SMARCA2: variants seen among roughly 807,000 people sequenced by gnomAD.
SMARCA2 encodes the protein SWI/SNF related BAF chromatin remodeling complex subunit ATPase 2, also known as SWI/SNF-related matrix-associated actin-dependent regulator of chromatin subfamily A member 2.
Under a neutral mutation model 199.8 loss-of-function variants are expected in SMARCA2, and 61 were observed. The observed-to-expected ratio is 0.31, with a 90% CI of 0.25 to 0.38. The LOEUF is 0.38. Ranked by LOEUF, SMARCA2 falls within the 10% of genes least tolerant of loss-of-function variation. SMARCA2 has a pLI of 1.00. For synonymous variants in SMARCA2, 935 were observed against 732.0 expected (o/e 1.28, Z -4.48); for missense variants, 1,344 against 2,012.2 (o/e 0.67, Z 6.35).
At chr9:2,032,123 T>C (rs138066743) in intron 2 of SMARCA2, among the ~76,000 whole-genome samples, 1 of 152,256 alleles carries the variant, frequency 6.6e-6, no homozygotes, top group Non-Finnish European at 1.5e-5. Context: ...ACTCATACTT[T>C]CTTGCTTGAA....
Position 2,170,528 on chromosome 9 carries a change from G to T in SMARCA2, c.4253+56G>T. On this transcript the variant is annotated intron_variant, in intron 29 of 33. Coordinates refer to ENST00000349721, the MANE Select transcript of SMARCA2 (RefSeq NM_003070.5). The surrounding 1 kb of genome is among the most constrained non-coding windows in gnomAD (Gnocchi z 4.7). ...TAAATACAGGTATCCCTCGTTACGT[G>T]AAACAGATTGAATCATATAATCGGC... The T allele has an allele frequency of 6.2e-7, 1 of 1,612,836 alleles. No homozygotes were observed. Among genetic ancestry groups the T allele is most frequent in the East Asian group, 2.2e-5 (1 of 44,846 alleles).
intron 29 of SMARCA2, among the ~76,000 whole-genome samples, chr9:2,177,848 G>A (rs537023964): frequency 1.3e-5 from 2 of 152,282 alleles, no homozygotes; most frequent in African/African-American, 4.8e-5. Flanking sequence ...CACCGTGCCC[G>A]GCCAGAGGTA....
In SMARCA2 at chr9:2,047,489, C is replaced by T. The variant is rs1360206094; in HGVS notation, c.1046+5C>T. 2 of 1,430,708 alleles carry T rather than the reference C, an allele frequency of 1.4e-6. No individual in the cohort carries two copies. Among genetic ancestry groups the T allele is most frequent in the Admixed American group, 2.5e-5 (1 of 39,274 alleles). 88.6% of individuals were successfully genotyped at this position (1,430,708 alleles called of 1,614,324 possible). Reference sequence around the variant, plus strand: ...TCTGCAAGAGCGGGAATACAGGTAACGCACCCCGCCAGCAAGGGGCCCCCT... The same window carrying T: ...TCTGCAAGAGCGGGAATACAGGTAATGCACCCCGCCAGCAAGGGGCCCCCT... On this transcript the variant is annotated splice_donor_5th_base_variant and intron_variant, in intron 5 of 33. Coordinates refer to ENST00000349721, the MANE Select transcript of SMARCA2 (RefSeq NM_003070.5).
intron 27 of SMARCA2, among the ~76,000 whole-genome samples, chr9:2,155,933 G>T (rs78873336): frequency 6.6e-6 from 1 of 151,684 alleles, no homozygotes; most frequent in Non-Finnish European, 1.5e-5. Context: ...AATGAAATAC[G>T]AAACAGAGTC....
chr9:2,056,532 A>T lies in SMARCA2; in HGVS notation c.1174-140A>T. The T allele has an allele frequency of 1.5e-6, 1 of 665,852 alleles. No individual in the cohort carries two copies. Among genetic ancestry groups the T allele is most frequent in the Non-Finnish European group, 2.4e-6 (1 of 409,060 alleles). The allele number at this position is 665,852 out of a possible 1,614,324, so 41.2% of individuals were successfully genotyped here. On this transcript the variant is annotated intron_variant, in intron 6 of 33. Transcript: ENST00000349721. This position sits in a 1 kb window ranked among gnomAD's most constrained non-coding sequence, Gnocchi z 4.0. Reference sequence around the variant, plus strand: ...TGGCATGATTTTAGTTCCTTCATTTAATACAAACCAAAGGTGATTGAGAAG... The same window carrying T: ...TGGCATGATTTTAGTTCCTTCATTTTATACAAACCAAAGGTGATTGAGAAG...
chr9:2,181,436 T>C (rs1485856949), intron 29 of SMARCA2, 135 bp from the exon 30 acceptor site: 1 of 615,694 alleles, frequency 1.6e-6, no homozygotes, highest in African/African-American at 1.9e-5. Flanking sequence ...GTGGGATTTT[T>C]CCTGACTTAA....
At chr9:2,084,043 T>C (rs1821687400) in intron 16 of SMARCA2, 43 bp from the exon 17 acceptor site, 8 of 1,045,032 alleles carry the variant, frequency 7.7e-6, no homozygotes, top group East Asian at 2.4e-5. Context: ...AATGCACATA[T>C]ATGTCCATAG....
chr9:2,092,358 T>C lies in SMARCA2; in HGVS notation c.2883+3745T>C, dbSNP rs529549432. ...TTACATTGGCAATTTGTGTATTCATTATATCAAATTTTGGAATGCTTAGCA... is the reference window on the plus strand; with the variant it reads ...TTACATTGGCAATTTGTGTATTCATCATATCAAATTTTGGAATGCTTAGCA... On this transcript the variant is annotated intron_variant, in intron 19 of 33. Coordinates refer to ENST00000349721, the MANE Select transcript of SMARCA2 (RefSeq NM_003070.5). Among the ~76,000 whole-genome samples, 10 of 152,358 alleles carry C rather than the reference T, an allele frequency of 6.6e-5. No homozygotes were observed. In the South Asian group the frequency reaches 2.1e-3, roughly 32 times the overall value.
At chr9:2,070,511 G>A (rs1442698031) in intron 10 of SMARCA2, 40 bp downstream of exon 10, 2 of 1,505,664 alleles carry the variant, frequency 1.3e-6, no homozygotes, top group Admixed American at 1.7e-5. Context: ...TCTGCTGAAT[G>A]GAGTCTGTGC....
At chr9:2,045,674 A>T (rs1412152065) in intron 4 of SMARCA2, 2 of 152,220 alleles carry the variant, frequency 1.3e-5, no homozygotes, top group Non-Finnish European at 2.9e-5. Flanking sequence ...AATTAAAAAT[A>T]AAATGAAGTG....
intron 29 of SMARCA2, among the ~76,000 whole-genome samples, chr9:2,177,102 C>T (rs1826662984): frequency 6.6e-6 from 1 of 152,148 alleles, no homozygotes; most frequent in Non-Finnish European, 1.5e-5. Context: ...TAAGTAGGGG[C>T]ACTAATGTGG....
At chr9:2,109,220 G>A (rs894238726) in intron 23 of SMARCA2, among the ~76,000 whole-genome samples, 8 of 152,172 alleles carry the variant, frequency 5.3e-5, no homozygotes, top group African/African-American at 1.7e-4. Context: ...AAGAGCAGCT[G>A]GTCAGAGACT....
rs1818436543 is a variant in SMARCA2 at position 2,017,982 on chromosome 9, A to C, written c.-37+2578A>C. On this transcript the variant is annotated intron_variant, in intron 1 of 33. Transcript: ENST00000349721. This position sits in a 1 kb window ranked among gnomAD's most constrained non-coding sequence, Gnocchi z 8.8. ...CCAGCGGGAGGCACCATGAGGGGGA[A>C]GAAGGCCTTGCTGGCCGCTGTTGCT... 6.6e-6 allele frequency: 1 copy of C among 152,232 alleles called. No individual in the cohort carries two copies. The highest frequency in any genetic ancestry group is 6.5e-5 in the Admixed American group (1 of 15,286). 9.4% of individuals were successfully genotyped at this position (152,232 alleles called of 1,614,324 possible). A position where few individuals can be genotyped will look rare whatever the true frequency, so the allele number is the denominator to read the frequency against.
At chr9:2,184,102 A>C (rs1467428648) in intron 31 of SMARCA2, among the ~76,000 whole-genome samples, 2 of 152,122 alleles carry the variant, frequency 1.3e-5, no homozygotes, top group East Asian at 3.9e-4. Flanking sequence ...CACTGTCTAG[A>C]ATGAATTTCA....
chr9:2,023,468 A>G (rs1818692233), intron 1 of SMARCA2, among the ~76,000 whole-genome samples: 1 of 152,228 alleles, frequency 6.6e-6, no homozygotes, highest in Non-Finnish European at 1.5e-5. Context: ...GAATAACCCC[A>G]AGAATGCTGA....
chr9:2,104,291 G>T lies in SMARCA2; in HGVS notation c.3292+122G>T. The T allele has an allele frequency of 1.1e-6, 1 of 914,326 alleles. No individual in the cohort carries two copies. Among genetic ancestry groups the T allele is most frequent in the East Asian group, 2.6e-5 (1 of 38,106 alleles). The allele number at this position is 914,326 out of a possible 1,614,324, so 56.6% of individuals were successfully genotyped here. Reference sequence around the variant, plus strand: ...ATTGAAGAATTGACTAGAAGCATTGGGAGCAGTTTTTCTAGATAGCAATTT... The same window carrying T: ...ATTGAAGAATTGACTAGAAGCATTGTGAGCAGTTTTTCTAGATAGCAATTT... On this transcript the variant is annotated intron_variant, in intron 23 of 33. Transcript: ENST00000349721. The surrounding 1 kb of genome is among the most constrained non-coding windows in gnomAD (Gnocchi z 4.0).
Position 2,073,286 on chromosome 9 carries a change from C to T in SMARCA2, c.1821C>T (p.Phe607=), listed in dbSNP as rs201735133. 48 of 1,614,110 alleles carry T rather than the reference C, an allele frequency of 3.0e-5. No homozygotes were observed. The highest frequency in any genetic ancestry group is 2.9e-4 in the South Asian group (26 of 91,084). Residue 607 remains phenylalanine, a synonymous_variant, in exon 11 of 34, where the codon TTC becomes TTT. Coordinates refer to ENST00000349721, the MANE Select transcript of SMARCA2 (RefSeq NM_003070.5). ...VTHTETGKVL[F]GPEAPKASQL... ...ACACAGAAACCGGCAAGGTTCTGTT[C>T]GGACCAGAAGCACCCAAAGCAAGTC... is the stretch of plus-strand genomic sequence containing the variant.
At position 2,169,229 on chromosome 9, in the gene SMARCA2, AG is replaced by A. The variant is rs1277696780; in HGVS notation, c.4200-1187del. On this transcript the variant is annotated intron_variant, in intron 28 of 33. Coordinates refer to ENST00000349721, the MANE Select transcript of SMARCA2 (RefSeq NM_003070.5). The surrounding 1 kb of genome is among the most constrained non-coding windows in gnomAD (Gnocchi z 6.5). ...CTGCTGGCCTGGCCTGGCAAGCTGC[AG>A]GGTGGACTGCGTGCCCTGCCTCCAG... is the stretch of plus-strand genomic sequence containing the variant. 2.0e-5 allele frequency among the ~76,000 whole-genome samples: 3 copies of A among 152,172 alleles called. No homozygotes were observed. The highest frequency in any genetic ancestry group is 4.4e-5 in the Non-Finnish European group (3 of 68,026).
intron 23 of SMARCA2, among the ~76,000 whole-genome samples, chr9:2,105,370 C>T (rs1488331789): frequency 2.6e-5 from 4 of 151,932 alleles, no homozygotes; most frequent in East Asian, 1.9e-4. Context: ...CTCAGCCTCC[C>T]GAGTAGCTGG....
Sources: allele counts gnomAD v4.1 joint callset (sites outside exome capture counted in the v4.1 genomes callset), GRCh38; gene constraint gnomAD v4.1.1; non-coding constraint Gnocchi (gnomAD v3.1); transcripts MANE v1.5; gene names NCBI Gene and HGNC (gene_info 2026-07-23, HGNC 2026-07-21).